The following KCNIP4 variants were observed in gnomAD, a reference collection of about 807,000 sequenced individuals.
KCNIP4 encodes Kv channel-interacting protein 4.
In KCNIP4, 12 loss-of-function variants were observed where a neutral mutation model predicts 34.0. That is an observed-to-expected ratio of 0.35 (90% CI 0.23 to 0.57). The LOEUF is 0.57. Among genes scored for constraint, KCNIP4 ranks in the 20% least tolerant of loss-of-function variants. The probability of loss-of-function intolerance (pLI) is 0.83; values close to 1 mark genes in which losing one functional copy is unlikely to be tolerated. For synonymous variants in KCNIP4, 124 were observed against 102.2 expected (o/e 1.21, Z -1.29); for missense variants, 238 against 311.7 (o/e 0.76, Z 1.78).
intron 1 of KCNIP4, among the ~76,000 whole-genome samples, chr4:21,066,367 C>G (rs1224611297): frequency 6.6e-6 from 1 of 152,160 alleles, no homozygotes; most frequent in Non-Finnish European, 1.5e-5. Flanking sequence ...CATTGACCAA[C>G]TATACACACA....
chr4:20,894,022 A>G (rs1406975806), intron 1 of KCNIP4, among the ~76,000 whole-genome samples: 1 of 152,068 alleles, frequency 6.6e-6, no homozygotes, highest in East Asian at 1.9e-4. Context: ...CTGGGATTAC[A>G]GGTGCCTGCC....
chr4:20,953,798 C>T (rs1255222735), intron 1 of KCNIP4, among the ~76,000 whole-genome samples: 1 of 152,112 alleles, frequency 6.6e-6, no homozygotes, highest in African/African-American at 2.4e-5. Flanking sequence ...CAATATTCCC[C>T]CAAACTCAAG....
Position 21,247,592 on chromosome 4 carries a change from T to TATATATATATATAC in KCNIP4, c.62-364884_62-364883insGTATATATATATAT, listed in dbSNP as rs551818480. On this transcript the variant is annotated intron_variant, in intron 1 of 8. Transcript: ENST00000382152. ...AGATATAAATACATATATATATATATACACCACAGATGGTATATATATTTA... is the reference window on the plus strand; with the variant it reads ...AGATATAAATACATATATATATATATATATATATATATACACACCACAGATGGTATATATATTTA... Among the ~76,000 whole-genome samples, 16 of 144,294 alleles carry TATATATATATATAC rather than the reference T, an allele frequency of 1.1e-4. No individual in the cohort carries two copies. In the South Asian group the frequency reaches 1.7e-3, roughly 15 times the overall value. 94.7% of individuals were successfully genotyped at this position (144,294 alleles called of 152,430 possible). A position where few individuals can be genotyped will look rare whatever the true frequency, so the allele number is the denominator to read the frequency against.
At chr4:21,014,072 C>T (rs1418629040) in intron 1 of KCNIP4, among the ~76,000 whole-genome samples, 1 of 152,218 alleles carries the variant, frequency 6.6e-6, no homozygotes, top group African/African-American at 2.4e-5. Flanking sequence ...TTCCTCCAAT[C>T]ATCAACCATA....
At chr4:21,087,146 A>ATGTGTGTGTGTGTGTGTG (rs34874556) in intron 1 of KCNIP4, among the ~76,000 whole-genome samples, 2 of 110,924 alleles carry the variant, frequency 1.8e-5, no homozygotes, top group Admixed American at 9.7e-5. Flanking sequence ...CTGCTGGGTA[A>ATGTGTGTGTGTGTGTGTG]TGTGTGTGTG....
intron 4 of KCNIP4, among the ~76,000 whole-genome samples, chr4:20,753,906 G>A (rs1754065245): frequency 6.6e-6 from 1 of 151,184 alleles, no homozygotes. Context: ...GAGCTCATTT[G>A]TTCATTCATT....
At chr4:21,735,383 T>G (rs1577919112) in intron 1 of KCNIP4, among the ~76,000 whole-genome samples, 1 of 152,304 alleles carries the variant, frequency 6.6e-6, no homozygotes, top group African/African-American at 2.4e-5. Context: ...TTACAAATAC[T>G]TAAAACTTCA....
At chr4:20,744,629 G>A (rs1448846007) in intron 5 of KCNIP4, among the ~76,000 whole-genome samples, 2 of 151,640 alleles carry the variant, frequency 1.3e-5, no homozygotes, top group Middle Eastern at 3.2e-3. Flanking sequence ...GGGTCAGGGG[G>A]ATGGGGGAGG....
chr4:21,511,375 A>C (rs1288539670), intron 1 of KCNIP4, among the ~76,000 whole-genome samples: 1 of 141,110 alleles, frequency 7.1e-6, no homozygotes, highest in Non-Finnish European at 1.5e-5. Context: ...TTTTCTTTTT[A>C]AGCCCTGGTG....
At chr4:21,519,702 G>GTATGTATGTATATATACACACGTGTGTA (rs1735289386) in intron 1 of KCNIP4, among the ~76,000 whole-genome samples, 1 of 138,988 alleles carries the variant, frequency 7.2e-6, no homozygotes, top group African/African-American at 2.8e-5. Context: ...ACACGTGTGT[G>GTATGTATGTATATATACACACGTGTGTA]TATGTATGTG....
chr4:21,574,663 A>T (rs1193574791), intron 1 of KCNIP4, among the ~76,000 whole-genome samples: 1 of 152,150 alleles, frequency 6.6e-6, no homozygotes, highest in Non-Finnish European at 1.5e-5. Flanking sequence ...CCTCAAATTG[A>T]GAGTGTAAGG....
In KCNIP4 at chr4:20,729,488, A is replaced by AATAATTTTT. The variant is rs1747277226; in HGVS notation, c.*585_*593dup. 8.4e-6 allele frequency: 1 copy of AATAATTTTT among 118,826 alleles called. No homozygotes were observed. The highest frequency in any genetic ancestry group is 3.5e-4 in the South Asian group (1 of 2,820). The allele number at this position is 118,826 out of a possible 1,614,324, so 7.4% of individuals were successfully genotyped here. A position where few individuals can be genotyped will look rare whatever the true frequency, so the allele number is the denominator to read the frequency against. Reference sequence around the variant, plus strand: ...ATAATAAACTAATTTTTAAATGTTTAATAATTTTTAAATGTTTAAAAATGC... The same window carrying AATAATTTTT: ...ATAATAAACTAATTTTTAAATGTTTAATAATTTTTATAATTTTTAAATGTTTAAAAATGC... On this transcript the variant is annotated 3_prime_UTR_variant, in exon 9 of 9. Coordinates refer to ENST00000382152, the MANE Select transcript of KCNIP4 (RefSeq NM_025221.6).
intron 1 of KCNIP4, among the ~76,000 whole-genome samples, chr4:21,255,824 A>C (rs1761023649): frequency 6.6e-6 from 1 of 152,196 alleles, no homozygotes; most frequent in Non-Finnish European, 1.5e-5. Context: ...AAGAACTGTA[A>C]ATTGACTTGA....
At chr4:20,861,401 G>A (rs1722182389) in intron 2 of KCNIP4, among the ~76,000 whole-genome samples, 1 of 152,162 alleles carries the variant, frequency 6.6e-6, no homozygotes, top group South Asian at 2.1e-4. Context: ...ATCACACACA[G>A]GCTGCAAGTA....
chr4:20,785,328 C>T (rs1242465744), intron 3 of KCNIP4, among the ~76,000 whole-genome samples: 15 of 136,360 alleles, frequency 1.1e-4, no homozygotes, highest in South Asian at 2.4e-4. Flanking sequence ...ATTTTTTTTT[C>T]TTTTTTTTTT....
At chr4:21,443,211 C>T (rs963873339) in intron 1 of KCNIP4, among the ~76,000 whole-genome samples, 6 of 152,166 alleles carry the variant, frequency 3.9e-5, no homozygotes, top group African/African-American at 1.2e-4. Flanking sequence ...TGAAGTCAGT[C>T]ATCACTATTT....
At chr4:21,926,760 C>G (rs142403737) in intron 1 of KCNIP4, among the ~76,000 whole-genome samples, 2,840 of 152,222 alleles carry the variant, frequency 0.019, 33 homozygotes, top group Non-Finnish European at 0.03. Flanking sequence ...ACTGAGAAGC[C>G]TCATAAAAAC....
chr4:21,031,368 G>C (rs945311246), intron 1 of KCNIP4, among the ~76,000 whole-genome samples: 4 of 152,186 alleles, frequency 2.6e-5, no homozygotes, highest in Non-Finnish European at 5.9e-5. Context: ...ATAAATTAAT[G>C]TTTAGAGAGA....
chr4:21,864,515 C>A (rs1725301799), intron 1 of KCNIP4, among the ~76,000 whole-genome samples: 1 of 152,088 alleles, frequency 6.6e-6, no homozygotes, highest in Non-Finnish European at 1.5e-5. Flanking sequence ...ATCAAAACTG[C>A]CAGACTGAAA....
Sources: allele counts gnomAD v4.1 joint callset (sites outside exome capture counted in the v4.1 genomes callset), GRCh38; gene constraint gnomAD v4.1.1; transcripts MANE v1.5; gene names NCBI Gene and HGNC (gene_info 2026-07-23, HGNC 2026-07-21).